BICC1: variants seen among roughly 807,000 people sequenced by gnomAD.
The protein encoded by BICC1 is BicC family RNA binding protein 1, also known as protein bicaudal C homolog 1.
In BICC1, 43 loss-of-function variants were observed where a neutral mutation model predicts 111.0. That is an observed-to-expected ratio of 0.39 (90% CI 0.30 to 0.50). The LOEUF is 0.50. Ranked by LOEUF, BICC1 falls within the 20% of genes least tolerant of loss-of-function variation. BICC1 has a pLI of 0.88. For missense variants in BICC1, 1,091 were observed against 1,203.2 expected (o/e 0.91, Z 1.38); for synonymous variants, 467 against 434.4 (o/e 1.07, Z -0.93).
chr10:58,524,246 A>G (rs904545231), intron 1 of BICC1, among the ~76,000 whole-genome samples: 2 of 152,236 alleles, frequency 1.3e-5, no homozygotes, highest in South Asian at 2.1e-4. Flanking sequence ...TGCCAAGTCA[A>G]TCCTAAGCCA....
chr10:58,824,830 C>T (rs1353726383), intron 20 of BICC1, among the ~76,000 whole-genome samples: 1 of 152,096 alleles, frequency 6.6e-6, no homozygotes, highest in African/African-American at 2.4e-5. Flanking sequence ...GGTATCAAAA[C>T]CCTAATTTCC....
chr10:58,562,931 T>C (rs1218866141), intron 1 of BICC1, among the ~76,000 whole-genome samples: 1 of 152,120 alleles, frequency 6.6e-6, no homozygotes, highest in Non-Finnish European at 1.5e-5. Flanking sequence ...GGCACAGCTT[T>C]TTTGGTGTGG....
chr10:58,769,402 G>GTATA (rs879547814), intron 3 of BICC1, among the ~76,000 whole-genome samples: 36 of 112,242 alleles, frequency 3.2e-4, no homozygotes, highest in African/African-American at 9.3e-4. Context: ...GTGTGTGTGT[G>GTATA]TGTATATATA....
At chr10:58,740,970 T>C (rs1841643374) in intron 3 of BICC1, among the ~76,000 whole-genome samples, 1 of 152,214 alleles carries the variant, frequency 6.6e-6, no homozygotes, top group African/African-American at 2.4e-5. Context: ...TGTGAGAGAT[T>C]ACAATGTGAA....
rs1295544053 is a variant in BICC1 at position 58,513,271 on chromosome 10, G to T, written c.128G>T (p.Ser43Ile). Residue 43 changes from serine (S) to isoleucine (I), a missense_variant, in exon 1 of 21, where the codon AGC (serine) becomes ATC (isoleucine). By Grantham distance (142) the Ser-to-Ile change is moderately radical (BLOSUM62 -2). Around this residue, in one of 3 missense-constraint regions of BICC1, gnomAD observed 843 missense variants for 900.8 expected, o/e 0.94. Transcript: ENST00000373886. ...DDLVAGATLHSPEWSEERFRV... is the reference protein window; with the variant it reads ...DDLVAGATLHIPEWSEERFRV... ...TTGGTCGCCGGGGCGACCCTGCACA[G>T]CCCGGAGTGGAGCGAGGAGCGCTTC... is the stretch of plus-strand genomic sequence containing the variant. 13 of 1,612,830 alleles carry T rather than the reference G, an allele frequency of 8.1e-6. No homozygotes were observed. Among genetic ancestry groups the T allele is most frequent in the African/African-American group, 8.0e-5 (6 of 74,904 alleles).
At chr10:58,827,875 C>G (rs1017073948) in intron 20 of BICC1, among the ~76,000 whole-genome samples, 2 of 152,178 alleles carry the variant, frequency 1.3e-5, no homozygotes, top group African/African-American at 2.4e-5. Flanking sequence ...CCTGAAACAG[C>G]AAGAGCAACC....
chr10:58,738,425 C>G, intron 3 of BICC1, among the ~76,000 whole-genome samples: 1 of 152,074 alleles, frequency 6.6e-6, no homozygotes, highest in East Asian at 1.9e-4. Flanking sequence ...TCTGAGGGCT[C>G]TGTTCTGTTC....
At chr10:58,581,699 C>T (rs768832164) in intron 1 of BICC1, among the ~76,000 whole-genome samples, 12 of 152,150 alleles carry the variant, frequency 7.9e-5, no homozygotes, top group African/African-American at 2.2e-4. Context: ...TTTTCCTAGA[C>T]GCAATCATAC....
At chr10:58,788,538 A>T in intron 6 of BICC1, 115 bp downstream of exon 6, 1 of 664,328 alleles carries the variant, frequency 1.5e-6, no homozygotes. Context: ...ATCAGTAGGA[A>T]ATAGTGGCAA....
At chr10:58,544,169 C>T (rs905928118) in intron 1 of BICC1, among the ~76,000 whole-genome samples, 1 of 152,100 alleles carries the variant, frequency 6.6e-6, no homozygotes, top group African/African-American at 2.4e-5. Flanking sequence ...CTCATAATAG[C>T]ATTTACATTT....
intron 17 of BICC1, among the ~76,000 whole-genome samples, chr10:58,810,222 C>A (rs972685315): frequency 6.6e-6 from 1 of 152,168 alleles, no homozygotes; most frequent in Non-Finnish European, 1.5e-5. Context: ...TTTCTGTGGG[C>A]AGAAATGTGC....
intron 2 of BICC1, among the ~76,000 whole-genome samples, chr10:58,653,490 C>T (rs1219486722): frequency 6.6e-6 from 1 of 152,040 alleles, no homozygotes; most frequent in East Asian, 1.9e-4. Context: ...ACTGTGCACC[C>T]CACTTCTGAA....
At chr10:58,599,372 C>A (rs765443507) in intron 1 of BICC1, among the ~76,000 whole-genome samples, 1 of 152,084 alleles carries the variant, frequency 6.6e-6, no homozygotes, top group African/African-American at 2.4e-5. Flanking sequence ...AAGCTGGAAA[C>A]CATCATTCTC....
intron 2 of BICC1, chr10:58,650,448 G>A (rs186152855): frequency 1.4e-4 from 21 of 152,318 alleles, no homozygotes; most frequent in African/African-American, 5.1e-4. Context: ...AACAGTGATG[G>A]TGTCCTATCC....
At chr10:58,528,776 G>T (rs1359129457) in intron 1 of BICC1, among the ~76,000 whole-genome samples, 1 of 151,902 alleles carries the variant, frequency 6.6e-6, no homozygotes, top group African/African-American at 2.4e-5. Flanking sequence ...TTCAGTTCCA[G>T]TATTCCGGGT....
Position 58,681,183 on chromosome 10 carries a change from T to G in BICC1, c.238-20891T>G, listed in dbSNP as rs11527307. ...CCAAAATTGACAAGTGGGATCTAAT[T>G]AAAGAGCTTCTGCCTAGCAAAAGCA... On this transcript the variant is annotated intron_variant, in intron 2 of 20. Coordinates refer to ENST00000373886, the MANE Select transcript of BICC1 (RefSeq NM_001080512.3). Among the ~76,000 whole-genome samples, 11 of 152,240 alleles carry G rather than the reference T, an allele frequency of 7.2e-5. No individual in the cohort carries two copies. The East Asian group carries it at 2.1e-3, about 29-fold the overall frequency.
chr10:58,781,064 G>C (rs1016905635), intron 3 of BICC1, among the ~76,000 whole-genome samples: 7 of 152,110 alleles, frequency 4.6e-5, no homozygotes, highest in Admixed American at 2.0e-4. Flanking sequence ...CTATTACTTA[G>C]AGAAGGTTGG....
chr10:58,571,505 G>T (rs1376016305), intron 1 of BICC1, among the ~76,000 whole-genome samples: 1 of 30,148 alleles, frequency 3.3e-5, no homozygotes, highest in Admixed American at 3.2e-4. Flanking sequence ...CCCGCCCTCC[G>T]ACAGGCCCTG....
At chr10:58,690,396 G>C (rs1839876576) in intron 2 of BICC1, among the ~76,000 whole-genome samples, 1 of 152,304 alleles carries the variant, frequency 6.6e-6, no homozygotes, top group South Asian at 2.1e-4. Flanking sequence ...ATTCCAGATG[G>C]GCAGCTATAA....
Sources: gnomAD v4.1 joint callset for allele counts (sites outside exome capture counted in the v4.1 genomes callset) on GRCh38, gnomAD v4.1.1 for gene constraint, gnomAD v4.1.1 regional missense constraint, MANE v1.5 for transcripts, NCBI Gene and HGNC (gene_info 2026-07-23, HGNC 2026-07-21) for gene names.